Variants in ERBB4 observed in about 807,000 individuals in gnomAD.
ERBB4 encodes the protein receptor tyrosine-protein kinase erbB-4.
In ERBB4, 42 loss-of-function variants were observed where a neutral mutation model predicts 158.0. The observed-to-expected ratio is 0.27, with a 90% CI of 0.21 to 0.34. The LOEUF (loss-of-function observed/expected upper bound fraction) is 0.34. ERBB4 is among the 10% of genes least tolerant of loss of function. The probability of loss-of-function intolerance (pLI) is 1.00; values close to 1 mark genes in which losing one functional copy is unlikely to be tolerated. For synonymous variants in ERBB4, 583 were observed against 558.7 expected (o/e 1.04, Z -0.61); for missense variants, 1,333 against 1,624.1 (o/e 0.82, Z 3.08).
intron 20 of ERBB4, among the ~76,000 whole-genome samples, chr2:211,536,697 G>A (rs1243976543): frequency 6.6e-6 from 1 of 151,990 alleles, no homozygotes; most frequent in African/African-American, 2.4e-5. Flanking sequence ...GCAAGTCATC[G>A]AAGAATGGGA....
intron 1 of ERBB4, among the ~76,000 whole-genome samples, chr2:212,157,367 T>A (rs2081071328): frequency 1.3e-5 from 2 of 152,120 alleles, no homozygotes; most frequent in Admixed American, 6.6e-5. Flanking sequence ...TTATTGTATT[T>A]ATTAGATCAG....
chr2:211,861,144 AT>A (rs2078034078), intron 3 of ERBB4, among the ~76,000 whole-genome samples: 1 of 65,774 alleles, frequency 1.5e-5, no homozygotes, highest in Non-Finnish European at 2.9e-5. Flanking sequence ...ATATATATAT[AT>A]ATATATATAT....
chr2:211,829,982 AT>A (rs1171257554), intron 3 of ERBB4, among the ~76,000 whole-genome samples: 1 of 152,068 alleles, frequency 6.6e-6, no homozygotes, highest in African/African-American at 2.4e-5. Context: ...TATAACCCCC[AT>A]CCCCCTGGGT....
intron 3 of ERBB4, among the ~76,000 whole-genome samples, chr2:211,836,877 A>C (rs2077355190): frequency 6.6e-6 from 1 of 152,056 alleles, no homozygotes; most frequent in Admixed American, 6.6e-5. Flanking sequence ...AGTTTTAATA[A>C]GAAATTATGT....
rs1265686297 is a variant in ERBB4 at position 211,793,215 on chromosome 2, A to G, written c.422-5056T>C. ...GTTACACTATATTTCACTTTAGTCT[A>G]TATGATCGATATTATCAGTGAACAT... On this transcript the variant is annotated intron_variant, in intron 3 of 27. Transcript: ENST00000342788. Among the ~76,000 whole-genome samples, 3 of 151,986 alleles carry G rather than the reference A, an allele frequency of 2.0e-5. No individual in the cohort carries two copies. In the East Asian group the frequency reaches 5.8e-4, roughly 29 times the overall value.
intron 12 of ERBB4, among the ~76,000 whole-genome samples, chr2:211,688,372 G>A (rs2072657227): frequency 6.6e-6 from 1 of 152,104 alleles, no homozygotes; most frequent in African/African-American, 2.4e-5. Context: ...TCAACCTGGA[G>A]TTCTTGGGAC....
intron 1 of ERBB4, among the ~76,000 whole-genome samples, chr2:212,424,546 C>T (rs2091864258): frequency 6.6e-6 from 1 of 152,096 alleles, no homozygotes; most frequent in South Asian, 2.1e-4. Context: ...TATTTTCTAA[C>T]ACGTATTTTT....
chr2:212,519,494 A>T (rs760040518), intron 1 of ERBB4, among the ~76,000 whole-genome samples: 1 of 151,896 alleles, frequency 6.6e-6, no homozygotes, highest in Non-Finnish European at 1.5e-5. Flanking sequence ...AATGGCTGTT[A>T]GTCATGAACA....
At chr2:212,399,536 T>TTATTTATATATATA (rs2091129986) in intron 1 of ERBB4, among the ~76,000 whole-genome samples, 1 of 20,792 alleles carries the variant, frequency 4.8e-5, no homozygotes, top group African/African-American at 1.9e-4. Context: ...GATATATATT[T>TTATTTATATATATA]TATATATACA....
At chr2:211,524,528 A>G (rs2066285117) in intron 20 of ERBB4, among the ~76,000 whole-genome samples, 1 of 151,998 alleles carries the variant, frequency 6.6e-6, no homozygotes, top group African/African-American at 2.4e-5. Flanking sequence ...GCCCCGTGGG[A>G]AGGCAGCTAA....
intron 3 of ERBB4, among the ~76,000 whole-genome samples, chr2:211,926,539 A>T (rs2080025626): frequency 6.6e-6 from 1 of 152,130 alleles, no homozygotes; most frequent in Non-Finnish European, 1.5e-5. Context: ...TTTCCATAAA[A>T]ATTCTTTTCC....
chr2:212,027,167 T>C (rs1165094973), intron 2 of ERBB4, among the ~76,000 whole-genome samples: 3 of 152,010 alleles, frequency 2.0e-5, no homozygotes, highest in African/African-American at 4.8e-5. Context: ...AGTTTATTCA[T>C]GTAAAAACCA....
At chr2:211,613,677 A>G (rs1173408785) in intron 19 of ERBB4, among the ~76,000 whole-genome samples, 1 of 152,096 alleles carries the variant, frequency 6.6e-6, no homozygotes, top group Admixed American at 6.6e-5. Flanking sequence ...GCTCAATATC[A>G]CTGATCATCA....
chr2:212,306,365 C>G (rs2086810154), intron 1 of ERBB4, among the ~76,000 whole-genome samples: 1 of 151,424 alleles, frequency 6.6e-6, no homozygotes, highest in African/African-American at 2.4e-5. Flanking sequence ...ACACAAACCC[C>G]ATCTTAGCAC....
In ERBB4 at chr2:212,339,865, G is replaced by A. The variant is rs115779418; in HGVS notation, c.82+198584C>T. On this transcript the variant is annotated intron_variant, in intron 1 of 27. Coordinates refer to ENST00000342788, the MANE Select transcript of ERBB4 (RefSeq NM_005235.3). ...AAAATCTGTATACTATAATTCCTAG[G>A]GAAAAAGAGAAAATTATTAGTGTCA... is the stretch of plus-strand genomic sequence containing the variant. 3.1e-3 allele frequency among the ~76,000 whole-genome samples: 466 copies of A among 151,626 alleles called. 1 individual carries two copies. The highest frequency in any genetic ancestry group is 0.011 in the African/African-American group (454 of 41,354).
chr2:211,440,434 C>G (rs1410316419), intron 20 of ERBB4, among the ~76,000 whole-genome samples: 1 of 152,148 alleles, frequency 6.6e-6, no homozygotes, highest in Non-Finnish European at 1.5e-5. Flanking sequence ...TTAATAGAAG[C>G]TGAGCCTTTC....
intron 14 of ERBB4, among the ~76,000 whole-genome samples, chr2:211,671,697 C>G (rs757687490): frequency 2.0e-5 from 3 of 152,118 alleles, no homozygotes; most frequent in Non-Finnish European, 4.4e-5. Context: ...AAGTTTCAGT[C>G]TCTCAGAAAG....
At chr2:211,650,694 A>G (rs1342353522) in intron 16 of ERBB4, among the ~76,000 whole-genome samples, 1 of 152,178 alleles carries the variant, frequency 6.6e-6, no homozygotes, top group African/African-American at 2.4e-5. Flanking sequence ...GCAGTCCAAT[A>G]GATCTATAAT....
chr2:212,133,896 A>G (rs1394218132), intron 1 of ERBB4, among the ~76,000 whole-genome samples: 1 of 152,218 alleles, frequency 6.6e-6, no homozygotes, highest in Non-Finnish European at 1.5e-5. Context: ...AATGAACTTG[A>G]GCAAATCACT....
Sources: allele counts gnomAD v4.1 joint callset (sites outside exome capture counted in the v4.1 genomes callset), GRCh38; gene constraint gnomAD v4.1.1; transcripts MANE v1.5; gene names NCBI Gene and HGNC (gene_info 2026-07-23, HGNC 2026-07-21).